CUX1: variants seen among roughly 807,000 people sequenced by gnomAD.
The protein encoded by CUX1 is cut like homeobox 1.
In CUX1, 31 loss-of-function variants were observed where a neutral mutation model predicts 158.8. The observed-to-expected ratio is 0.20, with a 90% CI of 0.15 to 0.26. The LOEUF (loss-of-function observed/expected upper bound fraction) is 0.26, where lower values mean the gene tolerates loss of function less well. Ranked by LOEUF, CUX1 falls within the 10% of genes least tolerant of loss-of-function variation. The pLI is 1.00. For synonymous variants in CUX1, 879 were observed against 862.1 expected, an observed-to-expected ratio of 1.02 and a Z score of -0.34; for missense variants, 1,589 against 2,014.6, an observed-to-expected ratio of 0.79 and a Z score of 4.04.
intron 1 of CUX1, among the ~76,000 whole-genome samples, chr7:101,877,941 A>G (rs1285367772): frequency 6.6e-6 from 1 of 152,136 alleles, no homozygotes; most frequent in East Asian, 1.9e-4. Context: ...GCTTATCTGC[A>G]GGGGGAAGCC....
Position 101,838,605 on chromosome 7 carries a change from C to G in CUX1, c.30+20936C>G, listed in dbSNP as rs1026909487. ...TCACCTGAGATCAGGAGTTCAAGAC[C>G]AGCCTGACCAACATGGTGAAACCCC... On this transcript the variant is annotated intron_variant, in intron 1 of 23. Coordinates refer to ENST00000292535, the MANE Select transcript of CUX1 (RefSeq NM_181552.4). Among the ~76,000 whole-genome samples, 4 of 151,444 alleles carry G rather than the reference C, an allele frequency of 2.6e-5. No homozygotes were observed. The East Asian group carries it at 7.9e-4, about 30-fold the overall frequency.
intron 2 of CUX1, among the ~76,000 whole-genome samples, chr7:101,993,943 G>A (rs930414001): frequency 6.6e-6 from 1 of 151,996 alleles, no homozygotes; most frequent in African/African-American, 2.4e-5. Context: ...CCCCAAACCC[G>A]TCCAGCTCTG....
chr7:102,147,010 T>C (rs370909382), intron 8 of CUX1, among the ~76,000 whole-genome samples: 9 of 152,310 alleles, frequency 5.9e-5, no homozygotes, highest in African/African-American at 2.2e-4. Context: ...TCCTGGCCGT[T>C]TAACTGTCTC....
At chr7:102,004,958 A>G (rs1427498651) in intron 2 of CUX1, among the ~76,000 whole-genome samples, 1 of 152,188 alleles carries the variant, frequency 6.6e-6, no homozygotes, top group Non-Finnish European at 1.5e-5. Context: ...TGTAAAAACC[A>G]TTCTTAGCTC....
chr7:102,067,891 C>T (rs1359281707), intron 3 of CUX1, among the ~76,000 whole-genome samples: 1 of 151,478 alleles, frequency 6.6e-6, no homozygotes, highest in Non-Finnish European at 1.5e-5. Flanking sequence ...CATGGTAGCA[C>T]ACTCCTGTAG....
intron 1 of CUX1, among the ~76,000 whole-genome samples, chr7:101,861,884 G>C (rs1797495848): frequency 6.6e-6 from 1 of 151,996 alleles, no homozygotes; most frequent in African/African-American, 2.4e-5. Context: ...GCCCAGGCTG[G>C]AGTGCAGTGG....
chr7:102,214,054 C>G (rs1280429892), intron 20 of CUX1, among the ~76,000 whole-genome samples: 1 of 150,162 alleles, frequency 6.7e-6, no homozygotes, highest in Non-Finnish European at 1.5e-5. Flanking sequence ...AGAATTAACT[C>G]GAACCCAGAG....
intron 8 of CUX1, among the ~76,000 whole-genome samples, chr7:102,138,174 A>AT (rs1166316924): frequency 6.6e-6 from 1 of 152,242 alleles, no homozygotes; most frequent in African/African-American, 2.4e-5. Context: ...ACAAAGTGAG[A>AT]TCCCGTCTCC....
intron 8 of CUX1, among the ~76,000 whole-genome samples, chr7:102,122,065 A>T (rs1248256691): frequency 6.6e-6 from 1 of 152,204 alleles, no homozygotes; most frequent in East Asian, 1.9e-4. Flanking sequence ...AGTAAACCTG[A>T]GAATCACCCA....
At position 102,251,215 on chromosome 7, in the gene CUX1, A is replaced by C. The variant is rs1801471354; in HGVS notation, c.*2173A>C. On this transcript the variant is annotated 3_prime_UTR_variant, in exon 24 of 24. Coordinates refer to ENST00000292535, the MANE Select transcript of CUX1 (RefSeq NM_181552.4). Reference sequence around the variant, plus strand: ...TTTAATGGTGCATTCATTATTTCTTAAGTTTAATTAATATTACTTTTTTTT... The same window carrying C: ...TTTAATGGTGCATTCATTATTTCTTCAGTTTAATTAATATTACTTTTTTTT... The C allele has an allele frequency of 2.0e-6, 2 of 978,572 alleles. No homozygotes were observed. Among genetic ancestry groups the C allele is most frequent in the African/African-American group, 3.5e-5 (2 of 56,700 alleles). 60.6% of individuals were successfully genotyped at this position (978,572 alleles called of 1,614,324 possible).
chr7:102,216,548 C>CCCCACACACGCA (rs1470074288), intron 20 of CUX1, among the ~76,000 whole-genome samples: 1 of 107,756 alleles, frequency 9.3e-6, no homozygotes, highest in African/African-American at 3.5e-5. Flanking sequence ...ACACACACAC[C>CCCCACACACGCA]CACACACGCA....
At chr7:102,171,483 T>C (rs1791714532) in intron 10 of CUX1, among the ~76,000 whole-genome samples, 1 of 151,370 alleles carries the variant, frequency 6.6e-6, no homozygotes, top group South Asian at 2.1e-4. Flanking sequence ...GGTCTCTCTC[T>C]GTTGCCCAGG....
intron 1 of CUX1, among the ~76,000 whole-genome samples, chr7:101,858,203 A>G (rs533320482): frequency 1.3e-5 from 2 of 152,228 alleles, no homozygotes; most frequent in Non-Finnish European, 2.9e-5. Flanking sequence ...CTTTAAAAAA[A>G]TGCAGTATGT....
chr7:101,888,825 A>C (rs57776345), intron 1 of CUX1, among the ~76,000 whole-genome samples: 2 of 151,996 alleles, frequency 1.3e-5, no homozygotes, highest in Non-Finnish European at 2.9e-5. Flanking sequence ...CTTGACCTCA[A>C]GTGATCCACC....
Position 102,248,783 on chromosome 7 carries a change from C to G in CUX1, c.4259C>G (p.Ala1420Gly). 1 of 1,057,828 alleles carries G rather than the reference C, an allele frequency of 9.5e-7. No individual in the cohort carries two copies. Among genetic ancestry groups the G allele is most frequent in the Non-Finnish European group, 1.1e-6 (1 of 875,950 alleles). The allele number at this position is 1,057,828 out of a possible 1,614,324, so 65.5% of individuals were successfully genotyped here. Reference protein sequence around the residue: ...ATAAPAAPEDAATSAAAAPGE... With the variant: ...ATAAPAAPEDGATSAAAAPGE... Reference sequence around the variant, plus strand: ...GCCGCGCCCGCGGCCCCCGAGGACGCCGCTACCTCAGCCGCCGCCGCGCCG... The same window carrying G: ...GCCGCGCCCGCGGCCCCCGAGGACGGCGCTACCTCAGCCGCCGCCGCGCCG... The change falls in exon 24 of 24, where the codon GCC becomes GGC. Residue 1420 changes from alanine to glycine, a missense_variant. Physicochemically the swap from Ala to Gly is moderately conservative, Grantham distance 60 (BLOSUM62 0). This residue lies in a region of CUX1 where 344 missense variants were observed against 323.7 expected (regional missense o/e 1.06). Transcript: ENST00000292535. This position sits in a 1 kb window ranked among gnomAD's most constrained non-coding sequence, Gnocchi z 5.8.
intron 1 of CUX1, among the ~76,000 whole-genome samples, chr7:101,863,453 C>T (rs747742458): frequency 6.6e-5 from 10 of 151,450 alleles, no homozygotes; most frequent in African/African-American, 1.2e-4. Flanking sequence ...TGAGTTAAAG[C>T]GATTCTCCTG....
At chr7:101,999,166 C>T (rs902276149) in intron 2 of CUX1, among the ~76,000 whole-genome samples, 3 of 149,290 alleles carry the variant, frequency 2.0e-5, no homozygotes, top group Admixed American at 6.7e-5. Flanking sequence ...CAGCAGCTGT[C>T]GCCTCCACTC....
At chr7:102,134,445 C>G (rs1479571282) in intron 8 of CUX1, among the ~76,000 whole-genome samples, 2 of 152,202 alleles carry the variant, frequency 1.3e-5, no homozygotes, top group Admixed American at 1.3e-4. Flanking sequence ...TGTGGACTTA[C>G]GTCTTTAAAA....
intron 4 of CUX1, among the ~76,000 whole-genome samples, chr7:102,079,153 A>G (rs1033377062): frequency 1.3e-5 from 2 of 152,126 alleles, no homozygotes; most frequent in Admixed American, 6.6e-5. Context: ...AGTTGAAGAA[A>G]TCAGCCTGGC....
Sources: gnomAD v4.1 joint callset for allele counts (sites outside exome capture counted in the v4.1 genomes callset) on GRCh38, gnomAD v4.1.1 for gene constraint, gnomAD v4.1.1 regional missense constraint, Gnocchi (gnomAD v3.1) non-coding constraint, MANE v1.5 for transcripts, NCBI Gene and HGNC (gene_info 2026-07-23, HGNC 2026-07-21) for gene names.